GPC3: variants seen among roughly 807,000 people sequenced by gnomAD.
GPC3 encodes glypican 3.
GPC3 carries 3 observed loss-of-function variants against 34.4 expected under a neutral mutation model. The ratio of observed to expected loss-of-function variants is 0.09; its 90% confidence interval spans 0.04 to 0.23. The LOEUF (loss-of-function observed/expected upper bound fraction) is 0.23, where lower values mean the gene tolerates loss of function less well. GPC3 is among the 10% of genes least tolerant of loss of function. GPC3 has a pLI of 1.00. For missense variants in GPC3, 351 were observed against 445.6 expected, an observed-to-expected ratio of 0.79 and a Z score of 1.91; for synonymous variants, 177 against 174.0, an observed-to-expected ratio of 1.02 and a Z score of -0.13.
intron 2 of GPC3, among the ~76,000 whole-genome samples, chrX:133,793,854 T>C (rs2075561705): frequency 8.9e-6 from 1 of 111,832 alleles, no homozygotes; most frequent in Non-Finnish European, 1.9e-5. Flanking sequence ...AATAAAAAAG[T>C]TGAGAGTGTT....
At chrX:133,907,856 T>C (rs772848037) in intron 2 of GPC3, among the ~76,000 whole-genome samples, 6 of 111,323 alleles carry the variant, frequency 5.4e-5, no homozygotes, top group East Asian at 2.8e-4. Flanking sequence ...GATTGCCAAA[T>C]TGCTGTTCCA....
chrX:133,721,585 A>C (rs1011370658), intron 3 of GPC3, among the ~76,000 whole-genome samples: 2 of 111,476 alleles, frequency 1.8e-5, no homozygotes, highest in Non-Finnish European at 3.8e-5. Context: ...AACTCTTCCC[A>C]AAAATAGAAA....
chrX:133,701,135 T>A (rs1344739853), intron 3 of GPC3, among the ~76,000 whole-genome samples: 1 of 111,605 alleles, frequency 9.0e-6, no homozygotes, highest in Non-Finnish European at 1.9e-5. Context: ...TAAAATGGCA[T>A]AATCTTTCTT....
At chrX:133,928,616 A>G (rs1473672435) in intron 2 of GPC3, among the ~76,000 whole-genome samples, 2 of 111,734 alleles carry the variant, frequency 1.8e-5, no homozygotes, top group African/African-American at 3.3e-5. Context: ...TGTCTTTTTG[A>G]TAACAGCTAT....
In GPC3 at chrX:133,806,953, C is replaced by T. The variant is rs1020008031; in HGVS notation, c.338-52777G>A. On this transcript the variant is annotated intron_variant, in intron 2 of 7. Coordinates refer to ENST00000370818, the MANE Select transcript of GPC3 (RefSeq NM_004484.4). The stretch of plus-strand genomic sequence containing the variant: ...GTGAGCCACCGCACCCGGCCAAGAT[C>T]GCCTATTTTAAAGGAATTCTGAGGG... Among the ~76,000 whole-genome samples, 28 of 111,645 alleles carry T rather than the reference C, an allele frequency of 2.5e-4. 1 individual carries two copies. Among genetic ancestry groups the T allele is most frequent in the South Asian group, 1.5e-3 (4 of 2,652 alleles).
intron 2 of GPC3, among the ~76,000 whole-genome samples, chrX:133,766,409 T>C (rs1474911644): frequency 8.9e-6 from 1 of 112,065 alleles, no homozygotes; most frequent in East Asian, 2.8e-4. Context: ...AAATACAAGA[T>C]GGCCTATCTC....
chrX:133,748,455 T>G (rs984535328), intron 3 of GPC3, among the ~76,000 whole-genome samples: 1 of 111,844 alleles, frequency 8.9e-6, no homozygotes, highest in Non-Finnish European at 1.9e-5. Context: ...TTATCCTAGT[T>G]TGTATAGATA....
chrX:133,821,582 C>T (rs749038549), intron 2 of GPC3, among the ~76,000 whole-genome samples: 1 of 111,905 alleles, frequency 8.9e-6, no homozygotes, highest in Non-Finnish European at 1.9e-5. Context: ...CCTGGTTCTA[C>T]CACTTACTAG....
chrX:133,709,994 T>C (rs922957042), intron 3 of GPC3, among the ~76,000 whole-genome samples: 6 of 111,900 alleles, frequency 5.4e-5, no homozygotes, highest in African/African-American at 1.9e-4. Flanking sequence ...CTGGTGACAA[T>C]GTAAGCATTT....
At chrX:133,727,370 AC>A (rs1349180685) in intron 3 of GPC3, among the ~76,000 whole-genome samples, 1 of 110,223 alleles carries the variant, frequency 9.1e-6, no homozygotes, top group Non-Finnish European at 1.9e-5. Context: ...ACATGGTGAA[AC>A]CCCGTCTCTA....
intron 2 of GPC3, among the ~76,000 whole-genome samples, chrX:133,872,733 G>A (rs2075999236): frequency 1.8e-5 from 2 of 111,862 alleles, no homozygotes; most frequent in African/African-American, 6.5e-5. Context: ...CCCTTTAGTT[G>A]TATTTTTCTA....
intron 2 of GPC3, among the ~76,000 whole-genome samples, chrX:133,873,503 C>T (rs1452278023): frequency 2.7e-5 from 3 of 111,199 alleles, no homozygotes; most frequent in African/African-American, 9.8e-5. Context: ...ACTTTTCCTC[C>T]TGGGTTACAA....
chrX:133,874,545 A>G (rs1031988231), intron 2 of GPC3, among the ~76,000 whole-genome samples: 2 of 112,078 alleles, frequency 1.8e-5, no homozygotes, highest in Admixed American at 9.6e-5. Flanking sequence ...TGTAAGCCAC[A>G]GAATAAAATA....
chrX:133,850,149 G>A (rs1306604188), intron 2 of GPC3, among the ~76,000 whole-genome samples: 6 of 104,601 alleles, frequency 5.7e-5, no homozygotes, highest in South Asian at 4.2e-4. Flanking sequence ...TCATCTTTAC[G>A]ATATGACTTT....
At chrX:133,570,939 T>C (rs1045890631) in intron 7 of GPC3, among the ~76,000 whole-genome samples, 2 of 111,709 alleles carry the variant, frequency 1.8e-5, no homozygotes, top group Non-Finnish European at 3.8e-5. Flanking sequence ...TGTTTCAATC[T>C]TAAACCTACC....
At chrX:133,857,870 T>A (rs2075912224) in intron 2 of GPC3, among the ~76,000 whole-genome samples, 1 of 111,984 alleles carries the variant, frequency 8.9e-6, no homozygotes, top group African/African-American at 3.2e-5. Context: ...TCCTGAACAA[T>A]AAAGCTGTCA....
At chrX:133,881,518 A>G (rs941469530) in intron 2 of GPC3, among the ~76,000 whole-genome samples, 1 of 112,586 alleles carries the variant, frequency 8.9e-6, no homozygotes, top group African/African-American at 3.2e-5. Context: ...TTTATCAACC[A>G]AATCACCTAC....
intron 2 of GPC3, among the ~76,000 whole-genome samples, chrX:133,917,716 A>T (rs913023423): frequency 1.6e-4 from 18 of 111,936 alleles, no homozygotes; most frequent in Admixed American, 2.9e-4. Flanking sequence ...ATATTTTTTT[A>T]AAAAATTACA....
chrX:133,640,515 A>AGCAC (rs1450846883), intron 6 of GPC3, among the ~76,000 whole-genome samples: 3 of 112,404 alleles, frequency 2.7e-5, no homozygotes, highest in African/African-American at 9.7e-5. Context: ...ATGTCCCAAA[A>AGCAC]GCACGCCGCT....
Sources: allele counts gnomAD v4.1 joint callset (sites outside exome capture counted in the v4.1 genomes callset), GRCh38; gene constraint gnomAD v4.1.1; transcripts MANE v1.5; gene names NCBI Gene and HGNC (gene_info 2026-07-23, HGNC 2026-07-21).